The following BAZ1A variants were observed in gnomAD, a reference collection of about 807,000 sequenced individuals.
BAZ1A encodes bromodomain adjacent to zinc finger domain 1A.
BAZ1A carries 50 observed loss-of-function variants against 185.2 expected under a neutral mutation model. The observed-to-expected ratio is 0.27, with a 90% CI of 0.22 to 0.34. The LOEUF (loss-of-function observed/expected upper bound fraction) is 0.34, where lower values mean the gene tolerates loss of function less well. BAZ1A is among the 10% of genes least tolerant of loss of function. The pLI is 1.00. For synonymous variants in BAZ1A, 571 were observed against 615.6 expected (o/e 0.93, Z 1.07); for missense variants, 1,356 against 1,839.9 (o/e 0.74, Z 4.81).
chr14:34,864,776 ATTT>A (rs35276443), intron 2 of BAZ1A, among the ~76,000 whole-genome samples: 2 of 140,448 alleles, frequency 1.4e-5, no homozygotes, highest in Admixed American at 1.4e-4. Flanking sequence ...AGCGCAATAA[ATTT>A]TTTTTTTTTT....
rs768565186 is a variant in BAZ1A at position 34,776,340 on chromosome 14, G to A, written c.2412C>T (p.Pro804=). The A allele has an allele frequency of 3.7e-6, 6 of 1,614,032 alleles. No individual in the cohort carries two copies. The highest frequency in any genetic ancestry group is 2.7e-5 in the African/African-American group (2 of 74,930). Reference sequence around the variant, plus strand: ...GTCTATACATGCGGTCGCGACCCAAGGGAAAGATATTGGTACAGGCTATGG... The same window carrying A: ...GTCTATACATGCGGTCGCGACCCAAAGGAAAGATATTGGTACAGGCTATGG... The part of the protein sequence containing the change: ...QSAIACTNIF[P]LGRDRMYRRY... Residue 804 remains proline, a synonymous_variant, in exon 18 of 27, where the codon CCC becomes CCT. Transcript: ENST00000360310.
chr14:34,849,184 G>A (rs2042560631), intron 3 of BAZ1A, among the ~76,000 whole-genome samples: 2 of 152,248 alleles, frequency 1.3e-5, no homozygotes, highest in African/African-American at 4.8e-5. Context: ...CAGCTACTCG[G>A]GAGGCTGAAG....
intron 17 of BAZ1A, among the ~76,000 whole-genome samples, chr14:34,779,930 G>A (rs146184138): frequency 1.6e-4 from 25 of 152,156 alleles, no homozygotes; most frequent in African/African-American, 2.6e-4. Context: ...TCCTATTAAC[G>A]ACATAGGAAT....
chr14:34,762,475 C>T (rs1461129514), intron 23 of BAZ1A, among the ~76,000 whole-genome samples: 1 of 148,458 alleles, frequency 6.7e-6, no homozygotes. Context: ...GTTTTCTTTT[C>T]TTTTCTTTAT....
In BAZ1A at chr14:34,784,367, C is replaced by CCAAAAAAAAAAAAAAAAAAAA. The variant is rs1225939081; in HGVS notation, c.1832-441_1832-440insTTTTTTTTTTTTTTTTTTTTG. 4.0e-4 allele frequency among the ~76,000 whole-genome samples: 31 copies of CCAAAAAAAAAAAAAAAAAAAA among 77,174 alleles called. 7 individuals are homozygous for CCAAAAAAAAAAAAAAAAAAAA. The highest frequency in any genetic ancestry group is 1.0e-3 in the African/African-American group (17 of 16,418). The allele number at this position is 77,174 out of a possible 152,430, so 50.6% of individuals were successfully genotyped here. On this transcript the variant is annotated intron_variant, in intron 14 of 26. Transcript: ENST00000360310. Reference sequence around the variant, plus strand: ...TGGGCAACTGAGTGAGACTCTGTCTCAAAAAAAAAAAAAAAAAAAAAAAAA... The same window carrying CCAAAAAAAAAAAAAAAAAAAA: ...TGGGCAACTGAGTGAGACTCTGTCTCCAAAAAAAAAAAAAAAAAAAAAAAAAAAAAAAAAAAAAAAAAAAAA...
intron 3 of BAZ1A, among the ~76,000 whole-genome samples, chr14:34,853,514 G>A (rs890625162): frequency 6.6e-6 from 1 of 152,214 alleles, no homozygotes; most frequent in African/African-American, 2.4e-5. Context: ...GTCAGGCGCA[G>A]TGATTCACGC....
intron 2 of BAZ1A, among the ~76,000 whole-genome samples, chr14:34,869,262 C>T (rs1377797846): frequency 6.6e-6 from 1 of 151,992 alleles, no homozygotes; most frequent in Non-Finnish European, 1.5e-5. Flanking sequence ...TAATTCTTAG[C>T]AAATGCCCCT....
At chr14:34,825,758 T>C (rs1372220782) in intron 4 of BAZ1A, among the ~76,000 whole-genome samples, 1 of 151,948 alleles carries the variant, frequency 6.6e-6, no homozygotes, top group Non-Finnish European at 1.5e-5. Flanking sequence ...GCCAATATGG[T>C]GAAACCCTGT....
chr14:34,795,639 G>A (rs986103620), intron 10 of BAZ1A, 31 bp downstream of exon 10: 8 of 1,462,758 alleles, frequency 5.5e-6, no homozygotes, highest in Non-Finnish European at 6.5e-6. Context: ...TAAAACCTAT[G>A]TGTGCTAAAC....
chr14:34,869,344 G>C (rs2042916311), intron 2 of BAZ1A, among the ~76,000 whole-genome samples: 1 of 152,144 alleles, frequency 6.6e-6, no homozygotes, highest in Non-Finnish European at 1.5e-5. Context: ...AGAGATCCTA[G>C]AAGAATAACC....
chr14:34,800,429 CAAAA>C, intron 8 of BAZ1A, 39 bp from the exon 9 acceptor site: 1 of 1,423,360 alleles, frequency 7.0e-7, no homozygotes, highest in Non-Finnish European at 9.3e-7. Flanking sequence ...TATATATAGA[CAAAA>C]TAACACTTGG....
In BAZ1A at chr14:34,802,896, G is replaced by C. The variant is rs776532726; in HGVS notation, c.819C>G (p.Asn273Lys). The C allele has an allele frequency of 6.2e-7, 1 of 1,613,622 alleles. No homozygotes were observed. Among genetic ancestry groups the C allele is most frequent in the Non-Finnish European group, 8.5e-7 (1 of 1,179,564 alleles). The change falls in exon 7 of 27, where the codon AAC (asparagine) becomes AAG (lysine). Residue 273 changes from asparagine (N) to lysine (K), a missense_variant. Asn to Lys is a moderately conservative substitution (Grantham distance 94). Transcript: ENST00000360310. ...GTTTGGGAGGTCTCCCTCTTCGTCTGTTAGCAGGACTGAAGATAAATGTGG... is the reference window on the plus strand; with the variant it reads ...GTTTGGGAGGTCTCCCTCTTCGTCTCTTAGCAGGACTGAAGATAAATGTGG... ...DPPTFIFSPA[N>K]RRRGRPPKRI...
At chr14:34,848,290 A>G (rs2042545627) in intron 3 of BAZ1A, among the ~76,000 whole-genome samples, 1 of 152,192 alleles carries the variant, frequency 6.6e-6, no homozygotes, top group Non-Finnish European at 1.5e-5. Flanking sequence ...TGATGCCTAA[A>G]TTGATATCAG....
chr14:34,843,923 C>T (rs181948561), intron 3 of BAZ1A, among the ~76,000 whole-genome samples: 152 of 152,156 alleles, frequency 1.0e-3, no homozygotes, highest in African/African-American at 3.6e-3. Context: ...GGTTTAAACA[C>T]GGCCGGGCGC....
chr14:34,868,995 G>A (rs1049766078), intron 2 of BAZ1A, among the ~76,000 whole-genome samples: 2 of 149,496 alleles, frequency 1.3e-5, no homozygotes, highest in Non-Finnish European at 1.5e-5. Context: ...ACTCGATCTC[G>A]GGAGATCGAG....
At chr14:34,764,090 A>G (rs1196490307) in intron 23 of BAZ1A, among the ~76,000 whole-genome samples, 1 of 152,168 alleles carries the variant, frequency 6.6e-6, no homozygotes, top group Non-Finnish European at 1.5e-5. Flanking sequence ...GCTAAGTTGC[A>G]GAATACTTAG....
intron 24 of BAZ1A, among the ~76,000 whole-genome samples, chr14:34,759,171 G>GTTTTTTTTTTTTTTTT (rs780287749): frequency 3.0e-4 from 20 of 66,476 alleles, no homozygotes; most frequent in African/African-American, 8.3e-4. Flanking sequence ...TACAGCTACA[G>GTTTTTTTTTTTTTTTT]TTTTTTTTTT....
At chr14:34,854,092 T>TAG (rs10690445) in intron 3 of BAZ1A, among the ~76,000 whole-genome samples, 66,685 of 151,848 alleles carry the variant, frequency 0.44, 14,940 homozygotes, top group South Asian at 0.54. Flanking sequence ...GTGAAAGGGA[T>TAG]AGAGAGAGAA....
At chr14:34,856,337 A>G (rs560492850) in intron 3 of BAZ1A, among the ~76,000 whole-genome samples, 1 of 17,714 alleles carries the variant, frequency 5.6e-5, no homozygotes, top group South Asian at 8.5e-3. Context: ...CCTAGGCTGC[A>G]GCACAGTGGC....
Sources: gnomAD v4.1 joint callset for allele counts (sites outside exome capture counted in the v4.1 genomes callset) on GRCh38, gnomAD v4.1.1 for gene constraint, MANE v1.5 for transcripts, NCBI Gene and HGNC (gene_info 2026-07-23, HGNC 2026-07-21) for gene names.